The following PHLPP1 variants were observed in gnomAD, a reference collection of about 807,000 sequenced individuals.
PHLPP1 encodes PH domain leucine-rich repeat-containing protein phosphatase 1.
PHLPP1 carries 42 observed loss-of-function variants against 117.2 expected under a neutral mutation model. The observed-to-expected ratio is 0.36, with a 90% CI of 0.28 to 0.46. PHLPP1 has a LOEUF of 0.46. Among genes scored for constraint, PHLPP1 ranks in the 20% least tolerant of loss-of-function variants. The pLI is 1.00. For missense variants in PHLPP1, 2,084 were observed against 2,241.9 expected (o/e 0.93, Z 1.42); for synonymous variants, 1,042 against 970.7 (o/e 1.07, Z -1.37).
At chr18:62,974,213 G>A (rs1392016991) in intron 15 of PHLPP1, among the ~76,000 whole-genome samples, 2 of 152,156 alleles carry the variant, frequency 1.3e-5, no homozygotes, top group South Asian at 2.1e-4. Context: ...CCTTGGAAGG[G>A]TCTAGAGCCA....
intron 4 of PHLPP1, among the ~76,000 whole-genome samples, chr18:62,873,530 A>T (rs1157947369): frequency 1.3e-5 from 2 of 152,242 alleles, no homozygotes; most frequent in Non-Finnish European, 2.9e-5. Context: ...TAATAAAGGA[A>T]GTGGATCCAG....
At chr18:62,765,060 T>C (rs1912421808) in intron 1 of PHLPP1, among the ~76,000 whole-genome samples, 1 of 152,220 alleles carries the variant, frequency 6.6e-6, no homozygotes, top group Non-Finnish European at 1.5e-5. Flanking sequence ...ATTGCTGTCT[T>C]GTGCATTTTC....
chr18:62,873,125 A>G (rs1221512177), intron 4 of PHLPP1, among the ~76,000 whole-genome samples: 1 of 152,032 alleles, frequency 6.6e-6, no homozygotes, highest in Admixed American at 6.6e-5. Flanking sequence ...GCAGTCCTTC[A>G]TAAGGGATGA....
chr18:62,719,382 T>C (rs148958132), intron 1 of PHLPP1, among the ~76,000 whole-genome samples: 171 of 152,320 alleles, frequency 1.1e-3, no homozygotes, highest in African/African-American at 3.9e-3. Context: ...CAAAATTTAG[T>C]GTATGGTGAA....
intron 1 of PHLPP1, among the ~76,000 whole-genome samples, chr18:62,806,596 C>G (rs899862820): frequency 6.6e-6 from 1 of 152,004 alleles, no homozygotes; most frequent in Non-Finnish European, 1.5e-5. Context: ...CCAAGGCAAA[C>G]CATTTATAGG....
chr18:62,956,936 T>C (rs1361618223), intron 12 of PHLPP1, among the ~76,000 whole-genome samples: 1 of 152,212 alleles, frequency 6.6e-6, no homozygotes, highest in East Asian at 1.9e-4. Flanking sequence ...TTAAATTCTT[T>C]GAGAATTTTT....
intron 4 of PHLPP1, among the ~76,000 whole-genome samples, chr18:62,865,987 C>T (rs566927908): frequency 1.8e-4 from 28 of 152,168 alleles, no homozygotes; most frequent in South Asian, 4.1e-4. Context: ...TCATGACACA[C>T]GTTTACCTGT....
intron 10 of PHLPP1, among the ~76,000 whole-genome samples, chr18:62,922,333 C>T (rs1909498392): frequency 1.3e-5 from 2 of 152,144 alleles, no homozygotes; most frequent in African/African-American, 4.8e-5. Flanking sequence ...GATGGGGTTT[C>T]CCCATGTTGA....
At position 62,978,665 on chromosome 18, in the gene PHLPP1, G is replaced by C. The variant is rs1911278053; in HGVS notation, c.4388G>C (p.Gly1463Ala). ...NMVIKDRPSD[G>A]LGVPSSSSGM... The stretch of plus-strand genomic sequence containing the variant: ...GTGATCAAGGATCGGCCCTCAGATG[G>C]GCTGGGCGTGCCGTCCTCCAGCAGC... Residue 1463 changes from glycine (G) to alanine (A), a missense_variant, in exon 17 of 17, where the codon GGG (glycine) becomes GCG (alanine). This residue lies in a region of PHLPP1 where 1,365 missense variants were observed against 1,605.9 expected (regional missense o/e 0.85). Coordinates refer to ENST00000262719, the MANE Select transcript of PHLPP1 (RefSeq NM_194449.4). The surrounding 1 kb of genome is among the most constrained non-coding windows in gnomAD (Gnocchi z 7.0). 1 of 1,613,734 alleles carries C rather than the reference G, an allele frequency of 6.2e-7. No individual in the cohort carries two copies.
In PHLPP1 at chr18:62,926,153, T is replaced by G. The variant is rs558927735; in HGVS notation, c.2960+6039T>G. On this transcript the variant is annotated intron_variant, in intron 10 of 16. Transcript: ENST00000262719. ...TGACAATTTTTTCAAAACTAGAGAA[T>G]CAGTCAATGATGTTTAGAATACTAT... Among the ~76,000 whole-genome samples, 143 of 152,288 alleles carry G rather than the reference T, an allele frequency of 9.4e-4. 1 individual carries two copies. The highest frequency in any genetic ancestry group is 1.6e-3 in the Non-Finnish European group (110 of 68,020).
chr18:62,891,117 T>C (rs1320604365), intron 4 of PHLPP1, among the ~76,000 whole-genome samples: 2 of 152,214 alleles, frequency 1.3e-5, no homozygotes, highest in Non-Finnish European at 2.9e-5. Context: ...ATGCAATGTT[T>C]GGGACATACT....
chr18:62,928,498 C>A (rs530151638), intron 10 of PHLPP1, among the ~76,000 whole-genome samples: 3 of 152,236 alleles, frequency 2.0e-5, no homozygotes, highest in Admixed American at 6.5e-5. Context: ...TGGCTATAAT[C>A]AAAAACACAG....
chr18:62,762,192 T>G (rs764288632), intron 1 of PHLPP1, among the ~76,000 whole-genome samples: 1 of 152,062 alleles, frequency 6.6e-6, no homozygotes, highest in Non-Finnish European at 1.5e-5. Context: ...TTTGATGTAC[T>G]TTGTATCTAG....
chr18:62,797,373 G>A (rs2144296362), intron 1 of PHLPP1, among the ~76,000 whole-genome samples: 1 of 152,262 alleles, frequency 6.6e-6, no homozygotes, highest in South Asian at 2.1e-4. Context: ...GTGTCCCCAT[G>A]GACAATGCTC....
chr18:62,930,464 T>TA (rs34518939), intron 10 of PHLPP1, among the ~76,000 whole-genome samples: 89,358 of 151,274 alleles, frequency 0.59, 26,562 homozygotes, highest in Middle Eastern at 0.69. Context: ...CCAACAACAG[T>TA]AAAAAAAAAT....
chr18:62,950,734 G>A (rs1200461467), intron 12 of PHLPP1, among the ~76,000 whole-genome samples: 1 of 152,172 alleles, frequency 6.6e-6, no homozygotes, highest in African/African-American at 2.4e-5. Context: ...CATTATTATG[G>A]TGCTGGAATC....
At chr18:62,929,148 G>A (rs765056118) in intron 10 of PHLPP1, among the ~76,000 whole-genome samples, 4 of 151,964 alleles carry the variant, frequency 2.6e-5, no homozygotes, top group South Asian at 2.1e-4. Context: ...TGTGAATTAC[G>A]TCCCTATAAA....
In PHLPP1 at chr18:62,972,717, C is replaced by G. The variant is rs1305750648; in HGVS notation, c.3755+9C>G. ...TTCATTGTCATGCAAAGGTAAAACTCAGAGTTCCTGCTTACCTGCTGTGTG... is the reference window on the plus strand; with the variant it reads ...TTCATTGTCATGCAAAGGTAAAACTGAGAGTTCCTGCTTACCTGCTGTGTG... On this transcript the variant is annotated intron_variant, in intron 15 of 16. Coordinates refer to ENST00000262719, the MANE Select transcript of PHLPP1 (RefSeq NM_194449.4). The G allele has an allele frequency of 6.3e-7, 1 of 1,596,798 alleles. No homozygotes were observed. The highest frequency in any genetic ancestry group is 1.1e-5 in the South Asian group (1 of 90,310).
intron 1 of PHLPP1, among the ~76,000 whole-genome samples, chr18:62,815,971 G>A (rs532819795): frequency 6.6e-6 from 1 of 152,154 alleles, no homozygotes; most frequent in East Asian, 1.9e-4. Flanking sequence ...CATCTTTTCA[G>A]GTTGGCAGTT....
Sources: allele counts gnomAD v4.1 joint callset (sites outside exome capture counted in the v4.1 genomes callset), GRCh38; gene constraint gnomAD v4.1.1; regional missense constraint gnomAD v4.1.1; non-coding constraint Gnocchi (gnomAD v3.1); transcripts MANE v1.5; gene names NCBI Gene and HGNC (gene_info 2026-07-23, HGNC 2026-07-21).